Variants in ULK4 observed in about 807,000 individuals in gnomAD.
The protein encoded by ULK4 is inactive serine/threonine-protein kinase ULK4.
A neutral mutation model predicts 160.6 loss-of-function variants in ULK4; 133 were observed. That is an observed-to-expected ratio of 0.83 (90% confidence interval 0.72 to 0.96). ULK4 has a LOEUF of 0.96. Among genes scored for constraint, ULK4 ranks in the 40% least tolerant of loss-of-function variants. The pLI, the probability that ULK4 is intolerant of heterozygous loss-of-function variation, is 0.00. For missense variants in ULK4, 1,580 were observed against 1,499.5 expected (o/e 1.05, Z -0.89); for synonymous variants, 534 against 539.8 (o/e 0.99, Z 0.15).
At chr3:41,562,123 G>T (rs141134775) in intron 32 of ULK4, among the ~76,000 whole-genome samples, 3,094 of 152,246 alleles carry the variant, frequency 0.02, 117 homozygotes, top group African/African-American at 0.07. Flanking sequence ...TATTTACCGA[G>T]TAGTCACTCA....
intron 35 of ULK4, among the ~76,000 whole-genome samples, chr3:41,261,402 C>G (rs1269740967): frequency 6.6e-6 from 1 of 152,172 alleles, no homozygotes; most frequent in Non-Finnish European, 1.5e-5. Flanking sequence ...AGCTAGCCAG[C>G]AAGCAGTGGC....
At chr3:41,477,172 A>T (rs1280039937) in intron 32 of ULK4, among the ~76,000 whole-genome samples, 1 of 152,174 alleles carries the variant, frequency 6.6e-6, no homozygotes, top group Non-Finnish European at 1.5e-5. Flanking sequence ...CTCCTAAAAA[A>T]TCCAAGATTT....
chr3:41,763,742 A>G (rs1007527800), intron 21 of ULK4, among the ~76,000 whole-genome samples: 1 of 152,220 alleles, frequency 6.6e-6, no homozygotes, highest in Non-Finnish European at 1.5e-5. Context: ...CTCCAATAAG[A>G]GGTAAGCATC....
intron 3 of ULK4, chr3:41,937,020 A>G (rs992181728): frequency 7.3e-6 from 2 of 275,782 alleles, no homozygotes. Context: ...CATGTGCCCC[A>G]TAAATATTAA....
chr3:41,552,076 C>T (rs1353082132), intron 32 of ULK4, among the ~76,000 whole-genome samples: 2 of 151,890 alleles, frequency 1.3e-5, no homozygotes, highest in African/African-American at 2.4e-5. Flanking sequence ...ATGATAAAAA[C>T]TCTCAACAAA....
intron 5 of ULK4, among the ~76,000 whole-genome samples, chr3:41,923,540 G>A (rs918487209): frequency 2.6e-5 from 4 of 152,150 alleles, no homozygotes; most frequent in Non-Finnish European, 5.9e-5. Context: ...TCAGCCACCA[G>A]AGTGTCTCCT....
At chr3:41,255,915 ATTCTT>A (rs767005858) in intron 35 of ULK4, among the ~76,000 whole-genome samples, 19 of 152,226 alleles carry the variant, frequency 1.2e-4, no homozygotes, top group Non-Finnish European at 2.5e-4. Context: ...CAGAATATAT[ATTCTT>A]TTCAAGTGCA....
At chr3:41,430,985 C>T (rs529261251) in intron 34 of ULK4, among the ~76,000 whole-genome samples, 3 of 152,272 alleles carry the variant, frequency 2.0e-5, no homozygotes, top group South Asian at 4.1e-4. Context: ...CTTCTAAAGA[C>T]ACCTAGGAAT....
chr3:41,656,453 T>C (rs980293778), intron 30 of ULK4, among the ~76,000 whole-genome samples: 2 of 152,166 alleles, frequency 1.3e-5, no homozygotes, highest in African/African-American at 4.8e-5. Context: ...AACCATTACA[T>C]TGTTTAATAA....
At chr3:41,566,665 T>A (rs531557697) in intron 31 of ULK4, among the ~76,000 whole-genome samples, 1 of 152,314 alleles carries the variant, frequency 6.6e-6, no homozygotes, top group East Asian at 1.9e-4. Flanking sequence ...GGCAGTAACT[T>A]AGGTCCTAAA....
chr3:41,880,965 G>A (rs1697495893), intron 17 of ULK4, among the ~76,000 whole-genome samples: 1 of 152,064 alleles, frequency 6.6e-6, no homozygotes, highest in Admixed American at 6.5e-5. Flanking sequence ...GATGCTTATA[G>A]GGTCTGCAAC....
chr3:41,340,559 C>T (rs1222786266), intron 35 of ULK4, among the ~76,000 whole-genome samples: 1 of 152,230 alleles, frequency 6.6e-6, no homozygotes, highest in Non-Finnish European at 1.5e-5. Flanking sequence ...AGTTACTAGT[C>T]ACATGTAGCT....
chr3:41,622,559 T>G (rs903207476), intron 30 of ULK4, among the ~76,000 whole-genome samples: 57 of 150,468 alleles, frequency 3.8e-4, no homozygotes, highest in African/African-American at 1.4e-3. Flanking sequence ...AACACACACA[T>G]GGACACAAGG....
chr3:41,432,770 G>A (rs2082942894), intron 34 of ULK4, among the ~76,000 whole-genome samples: 1 of 152,046 alleles, frequency 6.6e-6, no homozygotes, highest in South Asian at 2.1e-4. Context: ...TTTAATATGT[G>A]GCAAAGGATA....
At chr3:41,582,297 C>A (rs936262583) in intron 31 of ULK4, among the ~76,000 whole-genome samples, 4 of 152,076 alleles carry the variant, frequency 2.6e-5, no homozygotes, top group African/African-American at 9.7e-5. Context: ...AACTGTGAGT[C>A]CATTAAACCT....
intron 17 of ULK4, among the ~76,000 whole-genome samples, chr3:41,870,078 A>G (rs866314763): frequency 5.9e-5 from 9 of 152,204 alleles, no homozygotes; most frequent in East Asian, 1.9e-4. Context: ...ACGCATTCAT[A>G]TAACTGTTTC....
intron 31 of ULK4, among the ~76,000 whole-genome samples, chr3:41,590,014 T>C (rs1362965105): frequency 6.6e-6 from 1 of 151,950 alleles, no homozygotes; most frequent in Non-Finnish European, 1.5e-5. Flanking sequence ...TTTTTTGTTT[T>C]TTTTTTAAGA....
intron 21 of ULK4, among the ~76,000 whole-genome samples, chr3:41,767,787 T>A (rs1362403359): frequency 6.6e-6 from 1 of 152,108 alleles, no homozygotes; most frequent in Non-Finnish European, 1.5e-5. Context: ...GAAAGTGAGA[T>A]TTTTTTCTCA....
At chr3:41,270,116 A>T (rs1051277550) in intron 35 of ULK4, among the ~76,000 whole-genome samples, 6 of 152,204 alleles carry the variant, frequency 3.9e-5, no homozygotes, top group Non-Finnish European at 7.3e-5. Flanking sequence ...GGAGGTCATG[A>T]TATTACTCAG....
Sources: gnomAD v4.1 joint callset for allele counts (sites outside exome capture counted in the v4.1 genomes callset) on GRCh38, gnomAD v4.1.1 for gene constraint, MANE v1.5 for transcripts, NCBI Gene and HGNC (gene_info 2026-07-23, HGNC 2026-07-21) for gene names.